The following LRP2 variants were observed in gnomAD, a reference collection of about 807,000 sequenced individuals.
The protein encoded by LRP2 is low-density lipoprotein receptor-related protein 2.
In LRP2, 172 loss-of-function variants were observed where a neutral mutation model predicts 531.0. That is an observed-to-expected ratio of 0.32 (90% CI 0.29 to 0.37). LRP2 has a LOEUF of 0.37. LRP2 is among the 10% of genes least tolerant of loss of function. The pLI, the probability that LRP2 is intolerant of heterozygous loss-of-function variation, is 1.00. For missense variants in LRP2, 5,167 were observed against 5,868.3 expected (o/e 0.88, Z 3.90); for synonymous variants, 1,992 against 2,027.6 (o/e 0.98, Z 0.47).
At chr2:169,213,067 C>T (rs571871003) in intron 36 of LRP2, among the ~76,000 whole-genome samples, 14 of 151,846 alleles carry the variant, frequency 9.2e-5, no homozygotes, top group African/African-American at 2.7e-4. Flanking sequence ...TGGCTGAAGA[C>T]GAAAGCTATA....
chr2:169,142,875 G>A, intron 70 of LRP2, 82 bp from the exon 71 acceptor site: 3 of 1,507,700 alleles, frequency 2.0e-6, no homozygotes, highest in Non-Finnish European at 2.8e-6. Context: ...GGCTCTGCCA[G>A]GTGACAGCAG....
At chr2:169,319,303 TA>T (rs1325112697) in intron 2 of LRP2, among the ~76,000 whole-genome samples, 1 of 152,188 alleles carries the variant, frequency 6.6e-6, no homozygotes, top group African/African-American at 2.4e-5. Context: ...CAAAATCAAA[TA>T]ATTATTATTT....
In LRP2 at chr2:169,201,835, C is replaced by A. The variant is rs755330496; in HGVS notation, c.8245G>T (p.Ala2749Ser). 3.7e-5 allele frequency: 59 copies of A among 1,614,128 alleles called. 1 individual carries two copies. Among genetic ancestry groups the A allele is most frequent in the East Asian group, 3.6e-4 (16 of 44,884 alleles). The change falls in exon 44 of 79, where the codon GCC becomes TCC. Residue 2749 changes from alanine to serine, a missense_variant. Ala to Ser is a moderately conservative substitution (Grantham distance 99). Coordinates refer to ENST00000649046, the MANE Select transcript of LRP2 (RefSeq NM_004525.3). ...HTCSPTAFTC[A>S]NGRCVQYSYR... ...GAGTATTGGACACATCGCCCATTGG[C>A]ACAGGTGAAGGCTGTCGGTGAGCAG...
At chr2:169,263,857 CAAT>C (rs1272128564) in intron 16 of LRP2, among the ~76,000 whole-genome samples, 1 of 151,910 alleles carries the variant, frequency 6.6e-6, no homozygotes, top group Non-Finnish European at 1.5e-5. Flanking sequence ...AAATGTCCAA[CAAT>C]GATAGACTGG....
chr2:169,302,472 G>T (rs1478936338), intron 4 of LRP2, among the ~76,000 whole-genome samples: 1 of 151,980 alleles, frequency 6.6e-6, no homozygotes, highest in Non-Finnish European at 1.5e-5. Context: ...GAGGACATTT[G>T]ACAACGTCCA....
At position 169,320,903 on chromosome 2, in the gene LRP2, A is replaced by G; in HGVS notation, c.80-19T>C. ...TCACATTCTGCAATAATAGACAGAA[A>G]TTTTAAAAACTTATGCCATGCAGAT... On this transcript the variant is annotated intron_variant, in intron 1 of 78. Coordinates refer to ENST00000649046, the MANE Select transcript of LRP2 (RefSeq NM_004525.3). The G allele has an allele frequency of 6.4e-7, 1 of 1,572,372 alleles. No individual in the cohort carries two copies. Among genetic ancestry groups the G allele is most frequent in the East Asian group, 2.2e-5 (1 of 44,692 alleles).
intron 1 of LRP2, among the ~76,000 whole-genome samples, chr2:169,351,374 G>A (rs1207831788): frequency 6.6e-6 from 1 of 152,156 alleles, no homozygotes; most frequent in Non-Finnish European, 1.5e-5. Flanking sequence ...ATAGTTAGAA[G>A]GTAATGTGGA....
chr2:169,163,465 A>G (rs1195429762), intron 62 of LRP2, among the ~76,000 whole-genome samples: 7 of 152,196 alleles, frequency 4.6e-5, no homozygotes, highest in Admixed American at 1.3e-4. Context: ...AAACCTCCTC[A>G]TTGGATAAAA....
chr2:169,273,039 C>G lies in LRP2; in HGVS notation c.2004G>C (p.Gly668=), dbSNP rs886055090. The change falls in exon 15 of 79, where the codon GGG becomes GGC. Residue 668 remains glycine (G), a synonymous_variant. Transcript: ENST00000649046. The part of the protein sequence containing the change: ...YATNPCKDNN[G]GCEQVCVLSH... The stretch of plus-strand genomic sequence containing the variant: ...TGAGGACACAGACCTGCTCACAGCC[C>G]CCATTGTTATCTTTACACGGATTGG... 8.1e-6 allele frequency: 13 copies of G among 1,613,654 alleles called. No individual in the cohort carries two copies. Among genetic ancestry groups the G allele is most frequent in the Non-Finnish European group, 1.1e-5 (13 of 1,179,752 alleles).
chr2:169,243,082 A>G lies in LRP2; in HGVS notation c.3551-10T>C, dbSNP rs1194835862. 1.3e-6 allele frequency: 2 copies of G among 1,586,008 alleles called. No individual in the cohort carries two copies. The highest frequency in any genetic ancestry group is 1.3e-5 in the African/African-American group (1 of 74,340). ...GCAGTACAGTTTAATACTAAGAATGAAAGAGAAAAGCATTAGAAATTAGCT... is the reference window on the plus strand; with the variant it reads ...GCAGTACAGTTTAATACTAAGAATGGAAGAGAAAAGCATTAGAAATTAGCT... On this transcript the variant is annotated splice_polypyrimidine_tract_variant and intron_variant, in intron 23 of 78. Coordinates refer to ENST00000649046, the MANE Select transcript of LRP2 (RefSeq NM_004525.3).
At chr2:169,356,231 G>A (rs1440006188) in intron 1 of LRP2, among the ~76,000 whole-genome samples, 1 of 152,048 alleles carries the variant, frequency 6.6e-6, no homozygotes, top group African/African-American at 2.4e-5. Flanking sequence ...TTTTGCCTCA[G>A]ACAGTTTAAC....
rs749345832 is a variant in LRP2 at position 169,188,224 on chromosome 2, C to T, written c.9074G>A (p.Arg3025Lys). The T allele has an allele frequency of 6.8e-6, 11 of 1,614,070 alleles. No individual in the cohort carries two copies. The highest frequency in any genetic ancestry group is 9.3e-6 in the Non-Finnish European group (11 of 1,180,040). Reference protein sequence around the residue: ...HNDCGDYSDERGCLYQTCQQN... With the variant: ...HNDCGDYSDEKGCLYQTCQQN... ...TTGGCAAGTCTGGTATAAGCAGCCCCTCTCGTCGCTATAGTCACCACAGTC... is the reference window on the plus strand; with the variant it reads ...TTGGCAAGTCTGGTATAAGCAGCCCTTCTCGTCGCTATAGTCACCACAGTC... The change falls in exon 49 of 79, where the codon AGG (arginine) becomes AAG (lysine). Residue 3025 changes from arginine to lysine, a missense_variant. Physicochemically the swap from Arg to Lys is conservative, Grantham distance 26. Coordinates refer to ENST00000649046, the MANE Select transcript of LRP2 (RefSeq NM_004525.3).
chr2:169,356,516 A>G (rs536549794), intron 1 of LRP2, among the ~76,000 whole-genome samples: 1 of 152,240 alleles, frequency 6.6e-6, no homozygotes, highest in East Asian at 1.9e-4. Flanking sequence ...TGAGGTAGAT[A>G]TATGTCCATT....
chr2:169,137,595 C>A, intron 75 of LRP2, 102 bp from the exon 76 acceptor site: 1 of 666,844 alleles, frequency 1.5e-6, no homozygotes, highest in Non-Finnish European at 2.7e-6. Context: ...GTGCCTTCCT[C>A]ACACCTGGAG....
intron 31 of LRP2, among the ~76,000 whole-genome samples, chr2:169,228,448 A>G (rs942273682): frequency 3.9e-5 from 6 of 152,034 alleles, no homozygotes; most frequent in Admixed American, 2.6e-4. Context: ...TCCCAGTTTT[A>G]TGGGGGACTT....
At chr2:169,284,837 G>T (rs1378800376) in intron 9 of LRP2, among the ~76,000 whole-genome samples, 1 of 152,098 alleles carries the variant, frequency 6.6e-6, no homozygotes, top group Non-Finnish European at 1.5e-5. Flanking sequence ...CAAACCCCCA[G>T]AATGTCATAA....
chr2:169,302,290 T>C (rs1480215814), intron 4 of LRP2, among the ~76,000 whole-genome samples: 1 of 152,164 alleles, frequency 6.6e-6, no homozygotes, highest in East Asian at 1.9e-4. Flanking sequence ...TCAGCAATGA[T>C]CATCAATGGC....
intron 3 of LRP2, among the ~76,000 whole-genome samples, chr2:169,311,897 A>G (rs558108990): frequency 1.3e-5 from 2 of 152,160 alleles, no homozygotes; most frequent in Non-Finnish European, 2.9e-5. Flanking sequence ...TATTGGGTGC[A>G]TATATATTTA....
At chr2:169,247,316 C>T (rs1023836185) in intron 20 of LRP2, 62 bp downstream of exon 20, 16 of 1,553,996 alleles carry the variant, frequency 1.0e-5, no homozygotes, top group Middle Eastern at 3.4e-4. Flanking sequence ...AGAACAGGAG[C>T]CACTGTAACA....
Sources: gnomAD v4.1 joint callset for allele counts (sites outside exome capture counted in the v4.1 genomes callset) on GRCh38, gnomAD v4.1.1 for gene constraint, MANE v1.5 for transcripts, NCBI Gene and HGNC (gene_info 2026-07-23, HGNC 2026-07-21) for gene names.